The following FREM1 variants were observed in gnomAD, a reference collection of about 807,000 sequenced individuals.
The protein encoded by FREM1 is FRAS1 related extracellular matrix 1.
Under a neutral mutation model 210.1 loss-of-function variants are expected in FREM1, and 220 were observed. The observed-to-expected ratio is 1.05, with a 90% CI of 0.94 to 1.17. FREM1 has a LOEUF of 1.17. Ranked by LOEUF, FREM1 falls within the 50% of genes most tolerant of loss-of-function variation. The pLI, the probability that FREM1 is intolerant of heterozygous loss-of-function variation, is 0.00. For synonymous variants in FREM1, 1,189 were observed against 980.2 expected (o/e 1.21, Z -3.98); for missense variants, 3,454 against 2,675.5 (o/e 1.29, Z -6.42).
intron 23 of FREM1, among the ~76,000 whole-genome samples, chr9:14,788,591 G>C (rs78244358): frequency 0.013 from 1,947 of 152,244 alleles, 35 homozygotes; most frequent in African/African-American, 0.045. Context: ...TAAAACTAGA[G>C]TTACACATCA....
At position 14,780,433 on chromosome 9, in the gene FREM1, G is replaced by GAAAAAAAAAAAAA. The variant is rs58017285; in HGVS notation, c.4442+3924_4442+3936dup. 1.6e-4 allele frequency among the ~76,000 whole-genome samples: 13 copies of GAAAAAAAAAAAAA among 81,534 alleles called. 1 individual carries two copies. Among genetic ancestry groups the GAAAAAAAAAAAAA allele is most frequent in the East Asian group, 6.8e-4 (2 of 2,936 alleles). 53.5% of individuals were successfully genotyped at this position (81,534 alleles called of 152,430 possible). ...AATCATAAATAGCGCCAGCTCCTCA[G>GAAAAAAAAAAAAA]AAAAAAAAAAAAAAAAAGTCCAGCC... On this transcript the variant is annotated intron_variant, in intron 24 of 36. Transcript: ENST00000380880.
chr9:14,779,537 T>C (rs1441903068), intron 24 of FREM1: 1 of 978,006 alleles, frequency 1.0e-6, no homozygotes, highest in Non-Finnish European at 1.2e-6. Flanking sequence ...GCAGACTGAA[T>C]TGCAAGAATG....
At chr9:14,791,621 G>A (rs762494411) in intron 22 of FREM1, among the ~76,000 whole-genome samples, 7 of 152,170 alleles carry the variant, frequency 4.6e-5, no homozygotes, top group Non-Finnish European at 1.0e-4. Flanking sequence ...TGAAGACACT[G>A]AACTTTCGTC....
intron 13 of FREM1, among the ~76,000 whole-genome samples, chr9:14,819,957 G>A (rs183385103): frequency 2.0e-5 from 3 of 152,224 alleles, no homozygotes; most frequent in African/African-American, 7.2e-5. Context: ...AGAAATGGAA[G>A]TAGTGTGGCA....
At chr9:14,866,977 A>T (rs913265557) in intron 2 of FREM1, among the ~76,000 whole-genome samples, 1 of 151,308 alleles carries the variant, frequency 6.6e-6, no homozygotes, top group Non-Finnish European at 1.5e-5. Context: ...CTTGTGTCTC[A>T]GCCTCCCGAG....
chr9:14,839,552 C>A (rs754190491), intron 10 of FREM1, among the ~76,000 whole-genome samples: 5 of 152,114 alleles, frequency 3.3e-5, no homozygotes, highest in Non-Finnish European at 7.4e-5. Flanking sequence ...ACATGATAAG[C>A]ATCTTTAGAA....
At chr9:14,831,116 C>T (rs1216738358) in intron 10 of FREM1, among the ~76,000 whole-genome samples, 1 of 152,142 alleles carries the variant, frequency 6.6e-6, no homozygotes, top group East Asian at 1.9e-4. Context: ...CTTGCCATCA[C>T]GTGAGGCTGG....
intron 5 of FREM1, among the ~76,000 whole-genome samples, chr9:14,854,174 T>TAAA (rs965495875): frequency 2.0e-5 from 3 of 152,044 alleles, no homozygotes; most frequent in Non-Finnish European, 4.4e-5. Context: ...TAAGTCCAAA[T>TAAA]AAAACATCAA....
chr9:14,860,764 C>T (rs1829862048), intron 3 of FREM1, among the ~76,000 whole-genome samples: 1 of 103,752 alleles, frequency 9.6e-6, no homozygotes, highest in African/African-American at 4.5e-5. Context: ...TATATATGCA[C>T]ATATATACAC....
Position 14,776,116 on chromosome 9 carries a change from G to A in FREM1, c.4530C>T (p.Thr1510=). The A allele has an allele frequency of 1.3e-6, 2 of 1,597,668 alleles. No individual in the cohort carries two copies. Among genetic ancestry groups the A allele is most frequent in the Non-Finnish European group, 1.7e-6 (2 of 1,170,484 alleles). ...ETVDRALPVV[T]RNKGLRLAQG... is the part of the protein sequence containing the mutation. ...GGGCCAGTCTCAACCCCTTGTTCCT[G>A]GTTACCACAGGCAGGGCTCTGTCCA... is the stretch of plus-strand genomic sequence containing the variant. Residue 1510 remains threonine (T), a synonymous_variant, in exon 25 of 37, where the codon ACC becomes ACT. Transcript: ENST00000380880.
In FREM1 at chr9:14,842,544, G is replaced by A. The variant is rs1377396869; in HGVS notation, c.1510C>T (p.His504Tyr). The A allele has an allele frequency of 1.9e-6, 3 of 1,613,760 alleles. No individual in the cohort carries two copies. The highest frequency in any genetic ancestry group is 2.5e-6 in the Non-Finnish European group (3 of 1,179,768). The change falls in exon 9 of 37, where the codon CAC becomes TAC. Residue 504 changes from histidine (H) to tyrosine (Y), a missense_variant. His to Tyr is a moderately conservative substitution (Grantham distance 83). Coordinates refer to ENST00000380880, the MANE Select transcript of FREM1 (RefSeq NM_001379081.2). ...ATGGGGAATTTGTGACGGATGCTGT[G>A]ATGGCCATCAAATATCCGGAAGACC... is the stretch of plus-strand genomic sequence containing the variant. Reference protein sequence around the residue: ...FVVFRIFDGHHSIRHKFPINV... With the variant: ...FVVFRIFDGHYSIRHKFPINV...
intron 19 of FREM1, among the ~76,000 whole-genome samples, chr9:14,802,166 C>G (rs1563962517): frequency 1.3e-5 from 2 of 152,218 alleles, no homozygotes; most frequent in East Asian, 3.9e-4. Flanking sequence ...AGTCAAAGGT[C>G]AGGGGAAAAA....
intron 27 of FREM1, among the ~76,000 whole-genome samples, 158 bp from the exon 28 acceptor site, chr9:14,760,059 G>A (rs1845208705): frequency 6.6e-6 from 1 of 152,224 alleles, no homozygotes; most frequent in South Asian, 2.1e-4. Flanking sequence ...CACAAAGAAT[G>A]TCTACTAACA....
chr9:14,846,159 C>T, intron 7 of FREM1, 68 bp from the exon 8 acceptor site: 1 of 1,250,424 alleles, frequency 8.0e-7, no homozygotes, highest in East Asian at 2.6e-5. Context: ...CACATATACA[C>T]CATGGAATAC....
chr9:14,792,664 C>G (rs899504306), intron 22 of FREM1, 79 bp downstream of exon 22: 71 of 1,075,218 alleles, frequency 6.6e-5, no homozygotes, highest in Non-Finnish European at 8.6e-5. Flanking sequence ...AGAATAAATC[C>G]CATCATAGAA....
Position 14,863,853 on chromosome 9 carries a change from A to G in FREM1, c.285T>C (p.Gly95=). The part of the protein sequence containing the change: ...LPNEVKYVHN[G]CPILDEDTVK... ...CTGTGTCTTCATCAAGAATTGGACA[A>G]CCATTGTGAACATACTTGACTTCGT... Residue 95 remains glycine (G), a synonymous_variant, in exon 3 of 37, where the codon GGT becomes GGC. Coordinates refer to ENST00000380880, the MANE Select transcript of FREM1 (RefSeq NM_001379081.2). 1 of 1,613,560 alleles carries G rather than the reference A, an allele frequency of 6.2e-7. No homozygotes were observed. Among genetic ancestry groups the G allele is most frequent in the Non-Finnish European group, 8.5e-7 (1 of 1,179,516 alleles).
chr9:14,868,709 A>G, intron 2 of FREM1, 35 bp downstream of exon 2: 1 of 1,343,260 alleles, frequency 7.4e-7, no homozygotes, highest in Non-Finnish European at 1.1e-6. Context: ...GCATTCATAC[A>G]CACGACTGAA....
At chr9:14,859,136 T>C (rs570570667) in intron 4 of FREM1, 47 bp downstream of exon 4, 2 of 1,451,088 alleles carry the variant, frequency 1.4e-6, no homozygotes, top group South Asian at 2.8e-5. Flanking sequence ...CATGGATATT[T>C]TTGTCAGTTT....
At chr9:14,886,524 G>C (rs769793206) in intron 1 of FREM1, among the ~76,000 whole-genome samples, 5 of 151,706 alleles carry the variant, frequency 3.3e-5, no homozygotes, top group Non-Finnish European at 4.4e-5. Context: ...AGATGGTGAA[G>C]AAAGCCAATG....
Sources: gnomAD v4.1 joint callset for allele counts (sites outside exome capture counted in the v4.1 genomes callset) on GRCh38, gnomAD v4.1.1 for gene constraint, MANE v1.5 for transcripts, NCBI Gene and HGNC (gene_info 2026-07-23, HGNC 2026-07-21) for gene names.